NCALD: variants seen among roughly 807,000 people sequenced by gnomAD.
The protein encoded by NCALD is neurocalcin delta.
A neutral mutation model predicts 18.6 loss-of-function variants in NCALD; 10 were observed. That is an observed-to-expected ratio of 0.54 (90% CI 0.33 to 0.91). NCALD has a LOEUF of 0.91. NCALD is among the 40% of genes least tolerant of loss of function. The probability of loss-of-function intolerance (pLI) is 0.03; values close to 1 mark genes in which losing one functional copy is unlikely to be tolerated. For missense variants in NCALD, 184 were observed against 247.6 expected, an observed-to-expected ratio of 0.74 and a Z score of 1.72; for synonymous variants, 88 against 87.4, an observed-to-expected ratio of 1.01 and a Z score of -0.04.
At chr8:101,860,569 A>T (rs1034842057) in intron 4 of NCALD, among the ~76,000 whole-genome samples, 19 of 152,226 alleles carry the variant, frequency 1.2e-4, no homozygotes, top group African/African-American at 3.9e-4. Context: ...AGAATAAAAA[A>T]GTTGTACAAG....
chr8:102,036,143 A>AAATT (rs1055438867), intron 1 of NCALD, among the ~76,000 whole-genome samples: 157 of 148,322 alleles, frequency 1.1e-3, no homozygotes, highest in African/African-American at 3.6e-3. Context: ...ATAAATAAAT[A>AAATT]AATTAATTAA....
At chr8:101,750,045 T>C (rs778438404) in intron 1 of NCALD, 5 of 152,396 alleles carry the variant, frequency 3.3e-5, no homozygotes, top group Non-Finnish European at 7.3e-5. Context: ...AAACTTACAA[T>C]CATGGTAGAA....
At chr8:101,930,745 A>T (rs1025212152) in intron 2 of NCALD, among the ~76,000 whole-genome samples, 3 of 152,294 alleles carry the variant, frequency 2.0e-5, no homozygotes, top group African/African-American at 7.2e-5. Context: ...TGGCTCTAAA[A>T]TACTTCCCAG....
At chr8:101,784,973 C>T (rs1265565160) in intron 1 of NCALD, among the ~76,000 whole-genome samples, 5 of 152,154 alleles carry the variant, frequency 3.3e-5, no homozygotes, top group South Asian at 2.1e-4. Flanking sequence ...TACAACAAAA[C>T]GATGTTGAAT....
intron 1 of NCALD, among the ~76,000 whole-genome samples, chr8:102,083,620 T>C (rs1466621569): frequency 6.6e-6 from 1 of 152,222 alleles, no homozygotes; most frequent in Non-Finnish European, 1.5e-5. Flanking sequence ...GCTCCATCCC[T>C]ATCCCCTCCC....
chr8:101,688,375 C>CT lies in NCALD; in HGVS notation c.*933dup. The CT allele has an allele frequency of 4.2e-6, 1 of 239,122 alleles. No homozygotes were observed. The highest frequency in any genetic ancestry group is 4.8e-5 in the Admixed American group (1 of 20,786). The allele number at this position is 239,122 out of a possible 1,614,324, so 14.8% of individuals were successfully genotyped here. A position where few individuals can be genotyped will look rare whatever the true frequency, so the allele number is the denominator to read the frequency against. ...ATTTTTATGGAATATATAAAATATACTTGTCGATTGGTACATTTGTGCAAA... is the reference window on the plus strand; with the variant it reads ...ATTTTTATGGAATATATAAAATATACTTTGTCGATTGGTACATTTGTGCAAA... On this transcript the variant is annotated 3_prime_UTR_variant, in exon 4 of 4. Transcript: ENST00000220931.
chr8:101,763,973 CACACACACA>C (rs1356704365), intron 1 of NCALD, among the ~76,000 whole-genome samples: 3 of 26,106 alleles, frequency 1.1e-4, no homozygotes, highest in African/African-American at 1.8e-4. Context: ...TCTCCACACA[CACACACACA>C]CACACACACA....
chr8:101,990,551 G>C (rs764560483), intron 2 of NCALD, among the ~76,000 whole-genome samples: 62 of 152,166 alleles, frequency 4.1e-4, no homozygotes, highest in Non-Finnish European at 4.7e-4. Flanking sequence ...TCTTTCCCTT[G>C]CTGTTCTCTG....
chr8:101,931,923 T>A (rs554242924), intron 2 of NCALD, among the ~76,000 whole-genome samples: 43 of 152,158 alleles, frequency 2.8e-4, no homozygotes, highest in South Asian at 6.2e-4. Flanking sequence ...GGAGCCCATA[T>A]CTGTCTTACT....
chr8:102,031,827 T>C (rs1215484409), intron 1 of NCALD, among the ~76,000 whole-genome samples: 1 of 152,196 alleles, frequency 6.6e-6, no homozygotes, highest in Non-Finnish European at 1.5e-5. Context: ...TCATTAATCA[T>C]AGAACTCCGT....
intron 1 of NCALD, among the ~76,000 whole-genome samples, chr8:102,113,408 G>A (rs1459337775): frequency 6.6e-6 from 1 of 152,192 alleles, no homozygotes; most frequent in Non-Finnish European, 1.5e-5. Context: ...AAGTGTAAAA[G>A]TAGGTCTCTA....
intron 2 of NCALD, among the ~76,000 whole-genome samples, chr8:101,922,101 T>C (rs1353280934): frequency 1.3e-5 from 2 of 151,928 alleles, no homozygotes; most frequent in East Asian, 3.9e-4. Context: ...GAATTTAAAG[T>C]GTTTTATGAT....
chr8:101,861,626 A>T (rs897384251), intron 4 of NCALD, among the ~76,000 whole-genome samples: 1 of 152,184 alleles, frequency 6.6e-6, no homozygotes, highest in African/African-American at 2.4e-5. Context: ...TGAAAATTAC[A>T]ATCTAAAAGA....
At chr8:102,000,784 G>A (rs183209368) in intron 2 of NCALD, among the ~76,000 whole-genome samples, 28 of 152,210 alleles carry the variant, frequency 1.8e-4, no homozygotes, top group East Asian at 3.9e-4. Context: ...GTGGACCTCC[G>A]GCAAACTCCA....
intron 2 of NCALD, among the ~76,000 whole-genome samples, chr8:101,938,552 T>G (rs180816650): frequency 6.6e-6 from 1 of 152,296 alleles, no homozygotes; most frequent in Admixed American, 6.5e-5. Context: ...GGGATAATAA[T>G]GCGAAGACAA....
intron 4 of NCALD, among the ~76,000 whole-genome samples, chr8:101,880,454 C>G (rs536999343): frequency 1.3e-5 from 2 of 152,304 alleles, no homozygotes; most frequent in African/African-American, 4.8e-5. Context: ...GAGGGGCCCC[C>G]ACAGCGCAGT....
intron 1 of NCALD, among the ~76,000 whole-genome samples, chr8:102,101,953 T>C (rs1825296950): frequency 6.6e-6 from 1 of 152,160 alleles, no homozygotes; most frequent in Non-Finnish European, 1.5e-5. Flanking sequence ...TAATAAAGCA[T>C]CTTATAACAA....
intron 1 of NCALD, among the ~76,000 whole-genome samples, chr8:101,739,352 T>C (rs889498885): frequency 2.6e-5 from 4 of 152,236 alleles, no homozygotes; most frequent in Non-Finnish European, 5.9e-5. Flanking sequence ...AATTCTAATA[T>C]ACTAACAGTT....
chr8:101,956,621 GAGAGAGAGAGAGACAGACACAC>G (rs1391911749), intron 2 of NCALD, among the ~76,000 whole-genome samples: 2 of 151,018 alleles, frequency 1.3e-5, no homozygotes, highest in African/African-American at 4.9e-5. Context: ...GACAGACACA[GAGAGAGAGAGAGACAGACACAC>G]AGAGAGAGAG....
Sources: gnomAD v4.1 joint callset for allele counts (sites outside exome capture counted in the v4.1 genomes callset) on GRCh38, gnomAD v4.1.1 for gene constraint, MANE v1.5 for transcripts, NCBI Gene and HGNC (gene_info 2026-07-23, HGNC 2026-07-21) for gene names.